Variants in ADAMTS16 observed in about 807,000 individuals in gnomAD.
The protein encoded by ADAMTS16 is A disintegrin and metalloproteinase with thrombospondin motifs 16.
Under a neutral mutation model 145.8 loss-of-function variants are expected in ADAMTS16, and 94 were observed. The ratio of observed to expected loss-of-function variants is 0.64; its 90% confidence interval spans 0.55 to 0.77. ADAMTS16 has a LOEUF of 0.77. Ranked by LOEUF, ADAMTS16 falls within the 30% of genes least tolerant of loss-of-function variation. The pLI is 0.00. For missense variants in ADAMTS16, 1,585 were observed against 1,591.5 expected (o/e 1.00, Z 0.07); for synonymous variants, 659 against 604.3 (o/e 1.09, Z -1.33).
intron 18 of ADAMTS16, among the ~76,000 whole-genome samples, chr5:5,289,649 C>G (rs1739226363): frequency 6.6e-6 from 1 of 152,238 alleles, no homozygotes; most frequent in Non-Finnish European, 1.5e-5. Context: ...GTTAAATCAG[C>G]AGGTGGCAAC....
intron 3 of ADAMTS16, among the ~76,000 whole-genome samples, chr5:5,166,108 CT>C (rs979412267): frequency 2.0e-5 from 3 of 152,212 alleles, no homozygotes; most frequent in Admixed American, 6.5e-5. Flanking sequence ...TAAAATATCT[CT>C]TTTTTTGCCA....
intron 10 of ADAMTS16, among the ~76,000 whole-genome samples, chr5:5,220,437 T>C (rs2059800): frequency 0.5 from 74,940 of 151,082 alleles, 18,916 homozygotes; most frequent in East Asian, 0.71. Flanking sequence ...GGATTACAGG[T>C]GTGAGCCACC....
At chr5:5,229,246 C>T (rs965591928) in intron 11 of ADAMTS16, among the ~76,000 whole-genome samples, 1 of 137,266 alleles carries the variant, frequency 7.3e-6, no homozygotes, top group Non-Finnish European at 1.5e-5. Flanking sequence ...TGCAGTGAGC[C>T]GAGATTGCGC....
In ADAMTS16 at chr5:5,209,153, T is replaced by G; in HGVS notation, c.1512T>G (p.Pro504=). ...AGCCTGTGAAGGAATACAAGTATCCTGAGAAATTGCCAGGAGAATTATATG... is the reference window on the plus strand; with the variant it reads ...AGCCTGTGAAGGAATACAAGTATCCGGAGAAATTGCCAGGAGAATTATATG... The part of the protein sequence containing the change: ...QPKPVKEYKY[P]EKLPGELYDA... The change falls in exon 10 of 23, where the codon CCT becomes CCG. Residue 504 remains proline, a synonymous_variant. Transcript: ENST00000274181. The G allele has an allele frequency of 1.2e-6, 2 of 1,614,032 alleles. No individual in the cohort carries two copies. Among genetic ancestry groups the G allele is most frequent in the Non-Finnish European group, 1.7e-6 (2 of 1,179,926 alleles).
chr5:5,205,577 T>C (rs1027000891), intron 9 of ADAMTS16, among the ~76,000 whole-genome samples: 2 of 152,266 alleles, frequency 1.3e-5, no homozygotes, highest in African/African-American at 4.8e-5. Flanking sequence ...AGAGTTCCTG[T>C]TTCTCCACAT....
chr5:5,182,057 G>A lies in ADAMTS16; in HGVS notation c.515G>A (p.Arg172Gln), dbSNP rs775874041. ...STCQGLSGMI[R>Q]TEEADYFLRP... ...TATTTTTTCCAGTCAGGCATGATAC[G>A]AACAGAAGAGGCAGATTACTTCCTA... Residue 172 changes from arginine (R) to glutamine (Q), a missense_variant, in exon 4 of 23, where the codon CGA (arginine) becomes CAA (glutamine). Physicochemically the swap from Arg to Gln is conservative, Grantham distance 43 (BLOSUM62 1). This residue lies in a region of ADAMTS16 where 453 missense variants were observed against 412.1 expected (regional missense o/e 1.10). Transcript: ENST00000274181. 1.4e-5 allele frequency: 22 copies of A among 1,609,312 alleles called. No individual in the cohort carries two copies. Among genetic ancestry groups the A allele is most frequent in the Non-Finnish European group, 1.9e-5 (22 of 1,177,872 alleles).
At chr5:5,301,942 C>T (rs1357613348) in intron 18 of ADAMTS16, among the ~76,000 whole-genome samples, 1 of 152,180 alleles carries the variant, frequency 6.6e-6, no homozygotes, top group Non-Finnish European at 1.5e-5. Context: ...GGTGAGGAAG[C>T]CAGCTCCCCT....
intron 3 of ADAMTS16, among the ~76,000 whole-genome samples, chr5:5,151,969 A>T (rs1308750407): frequency 6.6e-6 from 1 of 152,072 alleles, no homozygotes; most frequent in Non-Finnish European, 1.5e-5. Context: ...CTTCTTTTTT[A>T]GATTCCACGT....
At chr5:5,267,997 G>T (rs1476580928) in intron 18 of ADAMTS16, among the ~76,000 whole-genome samples, 1 of 152,176 alleles carries the variant, frequency 6.6e-6, no homozygotes, top group Admixed American at 6.5e-5. Flanking sequence ...CATTAGGCCA[G>T]GAAGAGACAC....
chr5:5,203,940 T>G (rs1412900953), intron 9 of ADAMTS16, among the ~76,000 whole-genome samples: 3 of 152,056 alleles, frequency 2.0e-5, no homozygotes, highest in Non-Finnish European at 4.4e-5. Context: ...GCCCATTAAG[T>G]GTGTTTTTGT....
chr5:5,232,844 C>T (rs1231888852), intron 12 of ADAMTS16, among the ~76,000 whole-genome samples: 1 of 151,966 alleles, frequency 6.6e-6, no homozygotes, highest in Non-Finnish European at 1.5e-5. Context: ...CTTAGGTAAT[C>T]CACCCGCCGT....
intron 11 of ADAMTS16, among the ~76,000 whole-genome samples, chr5:5,223,902 G>T (rs1736678968): frequency 6.6e-6 from 1 of 150,514 alleles, no homozygotes; most frequent in Admixed American, 6.6e-5. Context: ...TGATATTTAG[G>T]CATTGATCTA....
intron 4 of ADAMTS16, among the ~76,000 whole-genome samples, chr5:5,182,986 T>C (rs554257043): frequency 6.6e-6 from 1 of 152,262 alleles, no homozygotes; most frequent in East Asian, 1.9e-4. Context: ...TCCTGCGTGG[T>C]TGGTTTCTAT....
At chr5:5,282,436 C>T (rs1162552882) in intron 18 of ADAMTS16, among the ~76,000 whole-genome samples, 1 of 152,212 alleles carries the variant, frequency 6.6e-6, no homozygotes, top group African/African-American at 2.4e-5. Flanking sequence ...GTACCAACAA[C>T]ATTTATTGAA....
chr5:5,242,290 G>A (rs958855717), intron 17 of ADAMTS16, 99 bp downstream of exon 17: 25 of 1,463,744 alleles, frequency 1.7e-5, no homozygotes, highest in Admixed American at 2.3e-5. Flanking sequence ...AGCAGCCCGG[G>A]GCTTCTCCCT....
chr5:5,266,047 G>A (rs1009277313), intron 18 of ADAMTS16, among the ~76,000 whole-genome samples: 1 of 150,850 alleles, frequency 6.6e-6, no homozygotes, highest in Non-Finnish European at 1.5e-5. Context: ...ATGCAGGAGG[G>A]ACTAGTGTTA....
At position 5,310,737 on chromosome 5, in the gene ADAMTS16, C is replaced by T. The variant is rs1329957028; in HGVS notation, c.3411+4009C>T. Among the ~76,000 whole-genome samples the T allele has an allele frequency of 1.3e-5, 2 of 152,206 alleles. No homozygotes were observed. Among genetic ancestry groups the T allele is most frequent in the African/African-American group, 4.8e-5 (2 of 41,458 alleles). Reference sequence around the variant, plus strand: ...AAGGCACCACCTCTGCTGCTCATACCTTAATTTTGGATTTCTGGCGTCCTA... The same window carrying T: ...AAGGCACCACCTCTGCTGCTCATACTTTAATTTTGGATTTCTGGCGTCCTA... On this transcript the variant is annotated intron_variant, in intron 21 of 22. Coordinates refer to ENST00000274181, the MANE Select transcript of ADAMTS16 (RefSeq NM_139056.4). The surrounding 1 kb of genome is among the most constrained non-coding windows in gnomAD (Gnocchi z 4.3).
chr5:5,307,992 T>C (rs368740605), intron 21 of ADAMTS16, among the ~76,000 whole-genome samples: 1 of 152,206 alleles, frequency 6.6e-6, no homozygotes, highest in Admixed American at 6.5e-5. Flanking sequence ...GGCTGAATGC[T>C]GGTTGCTAAA....
At chr5:5,166,988 A>ATGATGACCCTACC (rs1003504083) in intron 3 of ADAMTS16, among the ~76,000 whole-genome samples, 9 of 152,310 alleles carry the variant, frequency 5.9e-5, no homozygotes, top group African/African-American at 2.2e-4. Flanking sequence ...ACCCTATTTA[A>ATGATGACCCTACC]TGATGACCCT....
Sources: gnomAD v4.1 joint callset for allele counts (sites outside exome capture counted in the v4.1 genomes callset) on GRCh38, gnomAD v4.1.1 for gene constraint, gnomAD v4.1.1 regional missense constraint, Gnocchi (gnomAD v3.1) non-coding constraint, MANE v1.5 for transcripts, NCBI Gene and HGNC (gene_info 2026-07-23, HGNC 2026-07-21) for gene names.